ENTPD1: variants seen among roughly 807,000 people sequenced by gnomAD.
ENTPD1 encodes ectonucleoside triphosphate diphosphohydrolase 1.
Under a neutral mutation model 57.0 loss-of-function variants are expected in ENTPD1, and 33 were observed. The ratio of observed to expected loss-of-function variants is 0.58; its 90% CI spans 0.44 to 0.77. The LOEUF (loss-of-function observed/expected upper bound fraction) is 0.77, where lower values mean the gene tolerates loss of function less well. Among genes scored for constraint, ENTPD1 ranks in the 30% least tolerant of loss-of-function variants. The pLI is 0.00. For synonymous variants in ENTPD1, 202 were observed against 218.8 expected (o/e 0.92, Z 0.68); for missense variants, 501 against 603.4 (o/e 0.83, Z 1.78).
the ENTPD1 span, among the ~76,000 whole-genome samples, chr10:95,694,579 G>T: frequency 9.9e-5 from 15 of 151,996 alleles, no homozygotes; most frequent in Non-Finnish European, 1.8e-4. Flanking sequence ...AGAAAAAAGG[G>T]CAGGAAAAAT....
chr10:95,838,476 G>A (rs117590671), intron 2 of ENTPD1, among the ~76,000 whole-genome samples: 5,144 of 152,242 alleles, frequency 0.034, 119 homozygotes, highest in Non-Finnish European at 0.049. Flanking sequence ...TGCAGTGATG[G>A]AAAAAGATGA....
the ENTPD1 span, among the ~76,000 whole-genome samples, chr10:95,696,368 C>T: frequency 6.6e-6 from 1 of 152,174 alleles, no homozygotes; most frequent in South Asian, 2.1e-4. Flanking sequence ...GCAACCTCCA[C>T]CTCCCAGGTT....
chr10:95,698,093 G>A, the ENTPD1 span, among the ~76,000 whole-genome samples: 2 of 152,220 alleles, frequency 1.3e-5, no homozygotes, highest in Non-Finnish European at 2.9e-5. Context: ...TAGAAATATG[G>A]ACAGTAAAGG....
Position 95,744,207 on chromosome 10 carries a change from C to A in ENTPD1, c.37+32214C>A, listed in dbSNP as rs183352957. On this transcript the variant is annotated intron_variant, in intron 1 of 9. Coordinates refer to the ENTPD1 transcript ENST00000453258. Reference sequence around the variant, plus strand: ...CAGTGAGAAGCCTGACTCCTATTGTCTGTCATCCATTTACATAATTTCTGA... The same window carrying A: ...CAGTGAGAAGCCTGACTCCTATTGTATGTCATCCATTTACATAATTTCTGA... Among the ~76,000 whole-genome samples the A allele has an allele frequency of 7.6e-4, 116 of 152,060 alleles. 1 individual carries two copies. Among genetic ancestry groups the A allele is most frequent in the Admixed American group, 4.1e-3 (62 of 15,270 alleles).
At chr10:95,747,435 G>C (rs61218063) in intron 1 of ENTPD1, among the ~76,000 whole-genome samples, 48 of 152,280 alleles carry the variant, frequency 3.2e-4, no homozygotes, top group Middle Eastern at 3.4e-3. Flanking sequence ...CACCTCTCAT[G>C]AGTTTTATCA....
chr10:95,798,491 C>T (rs1461227316), intron 1 of ENTPD1, among the ~76,000 whole-genome samples: 1 of 152,108 alleles, frequency 6.6e-6, no homozygotes, highest in South Asian at 2.1e-4. Flanking sequence ...CTTCACCCCA[C>T]CCAATCCTGA....
In ENTPD1 at chr10:95,873,015, G is replaced by A. The variant is rs2098482179; in HGVS notation, c.*6632G>A. On this transcript the variant is annotated 3_prime_UTR_variant, in exon 10 of 10. Transcript: ENST00000371205. ...AAGATCATGCATCTCAAAATTTAATGTACATACAAATTACCCAGGGATTTT... is the reference window on the plus strand; with the variant it reads ...AAGATCATGCATCTCAAAATTTAATATACATACAAATTACCCAGGGATTTT... 2.0e-6 allele frequency: 2 copies of A among 979,634 alleles called. No individual in the cohort carries two copies. Among genetic ancestry groups the A allele is most frequent in the South Asian group, 4.7e-5 (1 of 21,176 alleles). The allele number at this position is 979,634 out of a possible 1,614,324, so 60.7% of individuals were successfully genotyped here. A position where few individuals can be genotyped will look rare whatever the true frequency, so the allele number is the denominator to read the frequency against.
Position 95,873,134 on chromosome 10 carries a change from G to T in ENTPD1, c.*6751G>T. 1.0e-6 allele frequency: 1 copy of T among 981,548 alleles called. No homozygotes were observed. The highest frequency in any genetic ancestry group is 1.2e-6 in the Non-Finnish European group (1 of 826,488). 60.8% of individuals were successfully genotyped at this position (981,548 alleles called of 1,614,324 possible). ...TTTTACATTTCCAACAAGCTGCCAG[G>T]TAAAGCCAATACATCTGTCCAGGAA... On this transcript the variant is annotated 3_prime_UTR_variant, in exon 10 of 10. Transcript: ENST00000371205.
At position 95,869,679 on chromosome 10, in the gene ENTPD1, T is replaced by C; in HGVS notation, c.*3296T>C. 1 of 975,592 alleles carries C rather than the reference T, an allele frequency of 1.0e-6. No homozygotes were observed. Among genetic ancestry groups the C allele is most frequent in the Non-Finnish European group, 1.2e-6 (1 of 820,970 alleles). The allele number at this position is 975,592 out of a possible 1,614,324, so 60.4% of individuals were successfully genotyped here. A position where few individuals can be genotyped will look rare whatever the true frequency, so the allele number is the denominator to read the frequency against. ...TAATAAGAAATATGTAAATAAAATT[T>C]TTTAAAATTACACTTCATTTTAATG... On this transcript the variant is annotated 3_prime_UTR_variant, in exon 10 of 10. Coordinates refer to ENST00000371205, the MANE Select transcript of ENTPD1 (RefSeq NM_001776.6).
chr10:95,708,958 A>T (rs1261070749), upstream of ENTPD1, among the ~76,000 whole-genome samples: 2 of 152,192 alleles, frequency 1.3e-5, no homozygotes, highest in Non-Finnish European at 2.9e-5. Flanking sequence ...AATAATTACA[A>T]ATTGAGCATT....
chr10:95,783,981 C>G (rs973391299), intron 1 of ENTPD1, among the ~76,000 whole-genome samples: 1 of 151,870 alleles, frequency 6.6e-6, no homozygotes, highest in Non-Finnish European at 1.5e-5. Context: ...GGTAGAAAAT[C>G]TATGCAAAAA....
chr10:95,779,924 G>C (rs2098149916), intron 1 of ENTPD1, among the ~76,000 whole-genome samples: 1 of 152,078 alleles, frequency 6.6e-6, no homozygotes, highest in Non-Finnish European at 1.5e-5. Context: ...GGTGAGAACT[G>C]CTGTTATTCT....
At chr10:95,835,593 C>T (rs924738224) in intron 2 of ENTPD1, among the ~76,000 whole-genome samples, 1 of 152,168 alleles carries the variant, frequency 6.6e-6, no homozygotes. Context: ...ACAATCTTGC[C>T]AGCATCTGTT....
Position 95,803,723 on chromosome 10 carries a change from C to A in ENTPD1, c.17-19514C>A, listed in dbSNP as rs921592682. On this transcript the variant is annotated intron_variant, in intron 1 of 9. Coordinates refer to ENST00000371205, the MANE Select transcript of ENTPD1 (RefSeq NM_001776.6). The stretch of plus-strand genomic sequence containing the variant: ...TTAGTTTAATTAGATCCCATTTGTC[C>A]ATTTTGGCTTTTGTTGCCATTGCTT... Among the ~76,000 whole-genome samples the A allele has an allele frequency of 3.9e-5, 6 of 152,048 alleles. No individual in the cohort carries two copies. The South Asian group carries it at 1.2e-3, about 32-fold the overall frequency.
chr10:95,718,046 T>C (rs2097973597), intron 1 of ENTPD1, among the ~76,000 whole-genome samples: 4 of 152,122 alleles, frequency 2.6e-5, no homozygotes, highest in Admixed American at 2.6e-4. Flanking sequence ...GGGTTTCCTT[T>C]AGAAAAACTC....
intron 2 of ENTPD1, among the ~76,000 whole-genome samples, chr10:95,836,507 T>C (rs1246190327): frequency 1.3e-5 from 2 of 152,186 alleles, no homozygotes; most frequent in Non-Finnish European, 2.9e-5. Context: ...AAATAGAAAA[T>C]AATATTGAAA....
intron 7 of ENTPD1, among the ~76,000 whole-genome samples, chr10:95,858,847 C>T (rs1472251360): frequency 6.6e-6 from 1 of 152,186 alleles, no homozygotes; most frequent in African/African-American, 2.4e-5. Flanking sequence ...TACATCTACA[C>T]CGTAGACTCT....
chr10:95,850,521 G>A (rs965627575), intron 7 of ENTPD1, among the ~76,000 whole-genome samples: 7 of 152,140 alleles, frequency 4.6e-5, no homozygotes, highest in Admixed American at 3.9e-4. Flanking sequence ...GGAATGGGGA[G>A]CTGATTTGTA....
At chr10:95,780,521 T>G (rs1162791553) in intron 1 of ENTPD1, among the ~76,000 whole-genome samples, 1 of 152,242 alleles carries the variant, frequency 6.6e-6, no homozygotes, top group Non-Finnish European at 1.5e-5. Context: ...CTGTTTTGCT[T>G]TATGAGTCTA....
Sources: allele counts gnomAD v4.1 joint callset (sites outside exome capture counted in the v4.1 genomes callset), GRCh38; gene constraint gnomAD v4.1.1; transcripts MANE v1.5; gene names NCBI Gene and HGNC (gene_info 2026-07-23, HGNC 2026-07-21).